The following ARHGAP35 variants were observed in gnomAD, a reference collection of about 807,000 sequenced individuals.
The protein encoded by ARHGAP35 is rho GTPase-activating protein 35.
A neutral mutation model predicts 111.1 loss-of-function variants in ARHGAP35; 15 were observed. The ratio of observed to expected loss-of-function variants is 0.13; its 90% CI spans 0.09 to 0.21. The LOEUF (loss-of-function observed/expected upper bound fraction) is 0.21. Ranked by LOEUF, ARHGAP35 falls within the 10% of genes least tolerant of loss-of-function variation. ARHGAP35 has a pLI of 1.00. For missense variants in ARHGAP35, 1,262 were observed against 1,873.0 expected (o/e 0.67, Z 6.02); for synonymous variants, 643 against 710.3 (o/e 0.91, Z 1.51).
chr19:46,903,956 T>C (rs2056093315), intron 1 of ARHGAP35, among the ~76,000 whole-genome samples: 1 of 152,036 alleles, frequency 6.6e-6, no homozygotes, highest in Non-Finnish European at 1.5e-5. Context: ...CTAGGTGCCA[T>C]ATAGAACATA....
At position 46,986,789 on chromosome 19, in the gene ARHGAP35, C is replaced by T. The variant is rs143470065; in HGVS notation, c.3827-1200C>T. 4.2e-3 allele frequency among the ~76,000 whole-genome samples: 635 copies of T among 152,246 alleles called. 7 individuals carry two copies. Among genetic ancestry groups the T allele is most frequent in the Middle Eastern group, 6.8e-3 (2 of 292 alleles). ...TTTCCAGTAATCTGTTAAGCTTTTA[C>T]TAGTTGTCAAAAAAACATACTTGTG... On this transcript the variant is annotated intron_variant, in intron 3 of 6. Coordinates refer to ENST00000672722, the MANE Select transcript of ARHGAP35 (RefSeq NM_004491.5). The surrounding 1 kb of genome is among the most constrained non-coding windows in gnomAD (Gnocchi z 4.3).
chr19:46,950,873 T>C (rs1250007462), intron 3 of ARHGAP35, among the ~76,000 whole-genome samples: 1 of 152,160 alleles, frequency 6.6e-6, no homozygotes, highest in African/African-American at 2.4e-5. Flanking sequence ...GAGAAGTAGG[T>C]GTCAACAAGA....
chr19:46,945,134 T>C lies in ARHGAP35; in HGVS notation c.3826+7726T>C, dbSNP rs2056371597. 6.6e-6 allele frequency among the ~76,000 whole-genome samples: 1 copy of C among 152,096 alleles called. No homozygotes were observed. Among genetic ancestry groups the C allele is most frequent in the Non-Finnish European group, 1.5e-5 (1 of 68,016 alleles). On this transcript the variant is annotated intron_variant, in intron 3 of 6. Transcript: ENST00000672722. This position sits in a 1 kb window ranked among gnomAD's most constrained non-coding sequence, Gnocchi z 4.1. ...GAGGGCATGTCACTGCCACAGCTGC[T>C]CTGGGACCGCCACTGAGAGTGGGAA...
chr19:46,973,088 T>C (rs2056560013), intron 3 of ARHGAP35, among the ~76,000 whole-genome samples: 2 of 152,140 alleles, frequency 1.3e-5, no homozygotes. Context: ...ACAGGTCGGC[T>C]GCAGTGGCTC....
chr19:46,993,795 G>A lies in ARHGAP35; in HGVS notation c.4036+4120G>A, dbSNP rs1306757671. ...CCCCTGAGCAAGAGCAGAGCCACCTGGAGCCAAGCCAAGCAAAGGGGTGAG... is the reference window on the plus strand; with the variant it reads ...CCCCTGAGCAAGAGCAGAGCCACCTAGAGCCAAGCCAAGCAAAGGGGTGAG... On this transcript the variant is annotated intron_variant, in intron 5 of 6. Transcript: ENST00000672722. The surrounding 1 kb of genome is among the most constrained non-coding windows in gnomAD (Gnocchi z 4.6). Among the ~76,000 whole-genome samples the A allele has an allele frequency of 1.3e-5, 2 of 151,968 alleles. No individual in the cohort carries two copies. Among genetic ancestry groups the A allele is most frequent in the African/African-American group, 4.8e-5 (2 of 41,364 alleles).
chr19:46,984,420 G>A (rs1240005710), intron 3 of ARHGAP35, among the ~76,000 whole-genome samples: 2 of 152,170 alleles, frequency 1.3e-5, no homozygotes, highest in Non-Finnish European at 2.9e-5. Context: ...TTCCTGCTGT[G>A]GTCTCAGGCC....
At chr19:46,979,027 G>T (rs2056604620) in intron 3 of ARHGAP35, among the ~76,000 whole-genome samples, 1 of 110,758 alleles carries the variant, frequency 9.0e-6, no homozygotes, top group Non-Finnish European at 1.9e-5. Context: ...GGTGGGGCAG[G>T]TGTGGGGGGG....
rs2056203948 is a variant in ARHGAP35 at position 46,921,939 on chromosome 19, T to C, written c.3264T>C (p.Ala1088=). The change falls in exon 2 of 7, where the codon GCT becomes GCC. Residue 1088 remains alanine (A), a synonymous_variant. Transcript: ENST00000672722. The surrounding 1 kb of genome is among the most constrained non-coding windows in gnomAD (Gnocchi z 4.3). The part of the protein sequence containing the change: ...PQDGFDPSDY[A]EPMDAVVKPR... ...ATGGGTTTGATCCTTCTGACTATGC[T>C]GAACCCATGGATGCTGTGGTGAAGC... The C allele has an allele frequency of 6.2e-7, 1 of 1,613,892 alleles. No homozygotes were observed. The highest frequency in any genetic ancestry group is 8.5e-7 in the Non-Finnish European group (1 of 1,179,892).
intron 3 of ARHGAP35, among the ~76,000 whole-genome samples, chr19:46,983,992 A>C (rs1421557569): frequency 6.6e-6 from 1 of 152,098 alleles, no homozygotes; most frequent in Non-Finnish European, 1.5e-5. Context: ...CCTTGTTCAG[A>C]TATTTGAACA....
chr19:46,914,608 C>T lies in ARHGAP35; in HGVS notation c.-188-3880C>T, dbSNP rs868210064. Among the ~76,000 whole-genome samples, 5 of 152,272 alleles carry T rather than the reference C, an allele frequency of 3.3e-5. No individual in the cohort carries two copies. The South Asian group carries it at 6.2e-4, about 19-fold the overall frequency. ...CTCCAGCATGGGTGACAGAGCAAGA[C>T]TCCATCTCATAAAATAAAATAATCA... On this transcript the variant is annotated intron_variant, in intron 1 of 6. Coordinates refer to ENST00000672722, the MANE Select transcript of ARHGAP35 (RefSeq NM_004491.5).
rs1419002212 is a variant in ARHGAP35, at chr19:46,937,386, T to C, written c.3804T>C (p.Cys1268=). The C allele has an allele frequency of 6.2e-7, 1 of 1,613,974 alleles. No homozygotes were observed. Among genetic ancestry groups the C allele is most frequent in the South Asian group, 1.1e-5 (1 of 91,080 alleles). The stretch of plus-strand genomic sequence containing the variant: ...CGATCCCCATTTTTATTGAAAGATG[T>C]ATTGAGTACATTGAAGCCACAGGTA... The part of the protein sequence containing the change: ...EKPIPIFIER[C]IEYIEATGLS... The change falls in exon 3 of 7, where the codon TGT becomes TGC. Residue 1268 remains cysteine (C), a synonymous_variant. Coordinates refer to ENST00000672722, the MANE Select transcript of ARHGAP35 (RefSeq NM_004491.5).
chr19:46,865,794 T>C (rs1485314436), intron 1 of ARHGAP35, among the ~76,000 whole-genome samples: 1 of 152,224 alleles, frequency 6.6e-6, no homozygotes, highest in Non-Finnish European at 1.5e-5. Context: ...GCTGTGACTT[T>C]TGTCGGTCAC....
Position 47,000,528 on chromosome 19 carries a change from C to G in ARHGAP35, c.4340C>G (p.Ala1447Gly). Residue 1447 changes from alanine (A) to glycine (G), a missense_variant, in exon 7 of 7, where the codon GCC (alanine) becomes GGC (glycine). Physicochemically the swap from Ala to Gly is moderately conservative, Grantham distance 60 (BLOSUM62 0). Transcript: ENST00000672722. This position sits in a 1 kb window ranked among gnomAD's most constrained non-coding sequence, Gnocchi z 6.9. ...CGGCCCATCACCGAGCCCCCCGGCG[C>G]CAGGCCCAGCTCCCCCTCTGCCGTG... ...YNRPITEPPG[A>G]RPSSPSAVAS... 2 of 1,613,558 alleles carry G rather than the reference C, an allele frequency of 1.2e-6. No individual in the cohort carries two copies. Among genetic ancestry groups the G allele is most frequent in the Non-Finnish European group, 1.7e-6 (2 of 1,179,870 alleles).
intron 3 of ARHGAP35, among the ~76,000 whole-genome samples, chr19:46,975,583 T>C (rs1362931528): frequency 2.6e-5 from 4 of 152,178 alleles, no homozygotes; most frequent in Non-Finnish European, 5.9e-5. Context: ...TAATCCCTTT[T>C]TACAAGAGGA....
intron 1 of ARHGAP35, among the ~76,000 whole-genome samples, chr19:46,896,183 T>C (rs968254556): frequency 1.3e-5 from 2 of 151,908 alleles, no homozygotes; most frequent in Non-Finnish European, 2.9e-5. Flanking sequence ...GGTGGGAGGA[T>C]CACTTGAACT....
chr19:46,951,554 T>C (rs1264988569), intron 3 of ARHGAP35, among the ~76,000 whole-genome samples: 2 of 152,160 alleles, frequency 1.3e-5, no homozygotes, highest in African/African-American at 4.8e-5. Flanking sequence ...ATTTAACTTC[T>C]CCATTGTTAG....
At chr19:46,976,016 C>T (rs1330194947) in intron 3 of ARHGAP35, among the ~76,000 whole-genome samples, 1 of 152,130 alleles carries the variant, frequency 6.6e-6, no homozygotes, top group Non-Finnish European at 1.5e-5. Flanking sequence ...CACCAACAGG[C>T]TTTATGTGAG....
chr19:47,003,951 AAACTT>A lies in ARHGAP35; in HGVS notation c.*3264_*3268del, dbSNP rs2056762445. 7.2e-6 allele frequency: 1 copy of A among 138,538 alleles called. No individual in the cohort carries two copies. Among genetic ancestry groups the A allele is most frequent in the Non-Finnish European group, 1.6e-5 (1 of 61,406 alleles). 8.6% of individuals were successfully genotyped at this position (138,538 alleles called of 1,614,324 possible). A position where few individuals can be genotyped will look rare whatever the true frequency, so the allele number is the denominator to read the frequency against. ...ACACACACACACACACACACACACA[AAACTT>A]CACAGCAGGCCAGCTGCAGTGACTT... On this transcript the variant is annotated 3_prime_UTR_variant, in exon 7 of 7. Coordinates refer to ENST00000672722, the MANE Select transcript of ARHGAP35 (RefSeq NM_004491.5).
In ARHGAP35 at chr19:46,921,004, T is replaced by G. The variant is rs780870433; in HGVS notation, c.2329T>G (p.Leu777Val). 1 of 1,614,030 alleles carries G rather than the reference T, an allele frequency of 6.2e-7. No individual in the cohort carries two copies. The highest frequency in any genetic ancestry group is 1.1e-5 in the South Asian group (1 of 91,084). The part of the protein sequence containing the change: ...LVSSTASIKD[L>V]ADVDLRIVMC... ...CAGTTCTACTGCTAGCATCAAAGAT[T>G]TGGCTGATGTTGATCTGCGAATTGT... Residue 777 changes from leucine (L) to valine (V), a missense_variant, in exon 2 of 7, where the codon TTG becomes GTG. By Grantham distance (32) the Leu-to-Val change is conservative (BLOSUM62 1). Transcript: ENST00000672722. The surrounding 1 kb of genome is among the most constrained non-coding windows in gnomAD (Gnocchi z 4.3).
Sources: allele counts gnomAD v4.1 joint callset (sites outside exome capture counted in the v4.1 genomes callset), GRCh38; gene constraint gnomAD v4.1.1; non-coding constraint Gnocchi (gnomAD v3.1); transcripts MANE v1.5; gene names NCBI Gene and HGNC (gene_info 2026-07-23, HGNC 2026-07-21).